The following ZNF131 variants were observed in gnomAD, a reference collection of about 807,000 sequenced individuals.
ZNF131 encodes zinc finger protein 131.
In ZNF131, 7 loss-of-function variants were observed where a neutral mutation model predicts 60.0. That is an observed-to-expected ratio of 0.12 (90% CI 0.07 to 0.22). The LOEUF is 0.22. ZNF131 is among the 10% of genes least tolerant of loss of function. ZNF131 has a pLI of 1.00. For synonymous variants in ZNF131, 257 were observed against 253.2 expected, an observed-to-expected ratio of 1.01 and a Z score of -0.14; for missense variants, 493 against 740.9, an observed-to-expected ratio of 0.67 and a Z score of 3.88.
chr5:43,168,748 G>T (rs1201997575), intron 5 of ZNF131, among the ~76,000 whole-genome samples: 1 of 152,156 alleles, frequency 6.6e-6, no homozygotes, highest in Non-Finnish European at 1.5e-5. Context: ...GAATCTTGGA[G>T]TCGTCCAAAC....
At chr5:43,146,083 CA>C (rs1747540333) in intron 4 of ZNF131, among the ~76,000 whole-genome samples, 1 of 152,064 alleles carries the variant, frequency 6.6e-6, no homozygotes, top group Non-Finnish European at 1.5e-5. Context: ...TATAATTTAA[CA>C]GGCTAAACAA....
At chr5:43,149,555 TTAG>T (rs1748043697) in intron 4 of ZNF131, among the ~76,000 whole-genome samples, 4 of 152,338 alleles carry the variant, frequency 2.6e-5, no homozygotes, top group South Asian at 4.1e-4. Flanking sequence ...TAGATACCTC[TTAG>T]TAGAATAGCT....
chr5:43,126,511 G>C (rs995435484), intron 3 of ZNF131, among the ~76,000 whole-genome samples: 1 of 152,158 alleles, frequency 6.6e-6, no homozygotes, highest in Non-Finnish European at 1.5e-5. Context: ...TTTAGAGGAC[G>C]TTTCTTCTCT....
intron 3 of ZNF131, chr5:43,124,346 T>C (rs1744240883): frequency 6.6e-6 from 1 of 152,228 alleles, no homozygotes; most frequent in South Asian, 2.1e-4. Context: ...TTTAGGGTTC[T>C]TGGGTTTTGG....
chr5:43,134,696 T>TC (rs1211102733), intron 3 of ZNF131, among the ~76,000 whole-genome samples: 4 of 134,472 alleles, frequency 3.0e-5, no homozygotes, highest in East Asian at 2.0e-4. Context: ...TTTTTTTCTT[T>TC]TTTTTTTTTT....
intron 3 of ZNF131, 163 bp downstream of exon 3, chr5:43,123,473 T>C (rs1481388726): frequency 2.0e-6 from 1 of 500,858 alleles, no homozygotes; most frequent in Non-Finnish European, 3.4e-6. Flanking sequence ...TAGGTAAAGG[T>C]AGATAAATTG....
intron 5 of ZNF131, among the ~76,000 whole-genome samples, chr5:43,166,330 C>G (rs1421060042): frequency 2.6e-5 from 4 of 151,852 alleles, no homozygotes; most frequent in Non-Finnish European, 5.9e-5. Context: ...TTCATCACTT[C>G]TGCCTTTTGA....
At chr5:43,144,740 A>G (rs1747360195) in intron 4 of ZNF131, among the ~76,000 whole-genome samples, 1 of 152,092 alleles carries the variant, frequency 6.6e-6, no homozygotes, top group African/African-American at 2.4e-5. Context: ...CAAATATTTT[A>G]TCCTGTCTTA....
At chr5:43,139,435 A>G in intron 4 of ZNF131, 126 bp downstream of exon 4, 2 of 1,085,228 alleles carry the variant, frequency 1.8e-6, no homozygotes, top group South Asian at 3.8e-5. Flanking sequence ...AGAATATTTA[A>G]GGATCTATTA....
chr5:43,131,274 G>A (rs547908018), intron 3 of ZNF131, among the ~76,000 whole-genome samples: 33 of 152,084 alleles, frequency 2.2e-4, no homozygotes, highest in African/African-American at 7.7e-4. Context: ...GCAGGTTCAA[G>A]CGATTGTCCT....
chr5:43,150,372 C>T (rs1385268650), intron 4 of ZNF131, among the ~76,000 whole-genome samples: 1 of 152,156 alleles, frequency 6.6e-6, no homozygotes, highest in Non-Finnish European at 1.5e-5. Flanking sequence ...CATGCAGAAA[C>T]ATTATGAGTA....
intron 4 of ZNF131, among the ~76,000 whole-genome samples, chr5:43,159,111 G>A (rs1288694873): frequency 6.6e-6 from 1 of 152,122 alleles, no homozygotes; most frequent in Non-Finnish European, 1.5e-5. Flanking sequence ...GCATAAGATT[G>A]ATTTATATTA....
At chr5:43,156,342 T>G (rs1474060131) in intron 4 of ZNF131, among the ~76,000 whole-genome samples, 2 of 152,204 alleles carry the variant, frequency 1.3e-5, no homozygotes, top group African/African-American at 4.8e-5. Context: ...TTTTCTCCAG[T>G]ATACTTGGAT....
In ZNF131 at chr5:43,175,310, C is replaced by T. The variant is rs1277690093; in HGVS notation, c.*177C>T. 1.4e-6 allele frequency: 1 copy of T among 708,024 alleles called. No individual in the cohort carries two copies. Among genetic ancestry groups the T allele is most frequent in the Non-Finnish European group, 2.4e-6 (1 of 416,774 alleles). 43.9% of individuals were successfully genotyped at this position (708,024 alleles called of 1,614,324 possible). On this transcript the variant is annotated 3_prime_UTR_variant, in exon 7 of 7. Transcript: ENST00000682664. ...ATTCCCCTCCCCCTACTTATTGCCACAGAGGAGGGATCTTTTCCATAACTG... is the reference window on the plus strand; with the variant it reads ...ATTCCCCTCCCCCTACTTATTGCCATAGAGGAGGGATCTTTTCCATAACTG...
Position 43,175,191 on chromosome 5 carries a change from C to A in ZNF131, c.*58C>A. On this transcript the variant is annotated 3_prime_UTR_variant, in exon 7 of 7. Transcript: ENST00000682664. Reference sequence around the variant, plus strand: ...GTTGGGTTTTTGAACTGATTATGGGCAGTTTGACTGTCCTTAATTAAGCCT... The same window carrying A: ...GTTGGGTTTTTGAACTGATTATGGGAAGTTTGACTGTCCTTAATTAAGCCT... 1.3e-6 allele frequency: 2 copies of A among 1,481,518 alleles called. No homozygotes were observed. The highest frequency in any genetic ancestry group is 9.0e-7 in the Non-Finnish European group (1 of 1,107,646). 91.8% of individuals were successfully genotyped at this position (1,481,518 alleles called of 1,614,324 possible). A position where few individuals can be genotyped will look rare whatever the true frequency, so the allele number is the denominator to read the frequency against.
intron 4 of ZNF131, among the ~76,000 whole-genome samples, chr5:43,154,362 T>C (rs562760547): frequency 4.0e-5 from 6 of 151,444 alleles, no homozygotes; most frequent in Admixed American, 3.3e-4. Flanking sequence ...TGCTGTGAGC[T>C]GAGATTGCGC....
rs1751465474 is a variant in ZNF131, at chr5:43,175,385, C to A, written c.*252C>A. 1.5e-6 allele frequency: 1 copy of A among 684,908 alleles called. No homozygotes were observed. Among genetic ancestry groups the A allele is most frequent in the African/African-American group, 1.8e-5 (1 of 55,790 alleles). The allele number at this position is 684,908 out of a possible 1,614,324, so 42.4% of individuals were successfully genotyped here. On this transcript the variant is annotated 3_prime_UTR_variant, in exon 7 of 7. Coordinates refer to ENST00000682664, the MANE Select transcript of ZNF131 (RefSeq NM_001330707.2). ...TCTGGAAACTTAAATGGATTATATTCTTATTATATAGTTGGGTACGAATGT... is the reference window on the plus strand; with the variant it reads ...TCTGGAAACTTAAATGGATTATATTATTATTATATAGTTGGGTACGAATGT...
chr5:43,141,980 T>C (rs1053408987), intron 4 of ZNF131, among the ~76,000 whole-genome samples: 1 of 152,062 alleles, frequency 6.6e-6, no homozygotes, highest in African/African-American at 2.4e-5. Flanking sequence ...TTCTGTTGAC[T>C]TTTTCCCCCA....
At chr5:43,122,462 C>T (rs544843957) in intron 2 of ZNF131, among the ~76,000 whole-genome samples, 12 of 152,124 alleles carry the variant, frequency 7.9e-5, no homozygotes, top group Non-Finnish European at 1.6e-4. Flanking sequence ...TCGTTGGGGA[C>T]AGATTGTCTC....
Sources: allele counts gnomAD v4.1 joint callset (sites outside exome capture counted in the v4.1 genomes callset), GRCh38; gene constraint gnomAD v4.1.1; transcripts MANE v1.5; gene names NCBI Gene and HGNC (gene_info 2026-07-23, HGNC 2026-07-21).